Variants in ZNF385D observed in about 807,000 individuals in gnomAD.
ZNF385D encodes the protein zinc finger protein 659.
A neutral mutation model predicts 35.8 loss-of-function variants in ZNF385D; 15 were observed. That is an observed-to-expected ratio of 0.42 (90% CI 0.28 to 0.64). The LOEUF is 0.64. Among genes scored for constraint, ZNF385D ranks in the 30% least tolerant of loss-of-function variants. The pLI, the probability that ZNF385D is intolerant of heterozygous loss-of-function variation, is 0.23. For synonymous variants in ZNF385D, 212 were observed against 186.8 expected (o/e 1.13, Z -1.10); for missense variants, 474 against 494.6 (o/e 0.96, Z 0.39).
chr3:21,923,509 A>G (rs1700579493), intron 3 of ZNF385D, among the ~76,000 whole-genome samples: 1 of 152,202 alleles, frequency 6.6e-6, no homozygotes, highest in African/African-American at 2.4e-5. Context: ...ATTACTGCAT[A>G]TAGAATCAAA....
intron 3 of ZNF385D, among the ~76,000 whole-genome samples, chr3:21,990,121 A>C (rs1167952010): frequency 6.6e-6 from 1 of 152,200 alleles, no homozygotes; most frequent in Non-Finnish European, 1.5e-5. Context: ...TTTTAAAAAA[A>C]TTTTTGTGAG....
chr3:21,591,035 A>C (rs560529370), intron 2 of ZNF385D, among the ~76,000 whole-genome samples: 1 of 152,054 alleles, frequency 6.6e-6, no homozygotes, highest in African/African-American at 2.4e-5. Flanking sequence ...TCTCCCCAAA[A>C]AAAAAATTAA....
At chr3:21,650,678 C>T (rs899728905) in intron 2 of ZNF385D, among the ~76,000 whole-genome samples, 6 of 152,104 alleles carry the variant, frequency 3.9e-5, no homozygotes, top group East Asian at 1.9e-4. Flanking sequence ...GTAACGTGAG[C>T]GCTCCAATTC....
intron 2 of ZNF385D, among the ~76,000 whole-genome samples, chr3:22,250,437 A>G (rs1277522664): frequency 1.3e-5 from 2 of 152,032 alleles, no homozygotes; most frequent in African/African-American, 4.8e-5. Context: ...AAAAAATGCC[A>G]TTTATTTAGG....
chr3:21,514,957 G>T (rs532004449), intron 3 of ZNF385D, among the ~76,000 whole-genome samples: 16 of 152,156 alleles, frequency 1.1e-4, no homozygotes, highest in Non-Finnish European at 2.1e-4. Context: ...AGAGGCAAGG[G>T]CTGACATTAA....
chr3:21,686,430 A>C (rs1400859549), intron 1 of ZNF385D, among the ~76,000 whole-genome samples: 1 of 152,218 alleles, frequency 6.6e-6, no homozygotes, highest in Non-Finnish European at 1.5e-5. Flanking sequence ...CAGTGTATAG[A>C]GCAATACTGA....
At chr3:22,050,237 T>A (rs1430732022) in intron 3 of ZNF385D, among the ~76,000 whole-genome samples, 1 of 150,160 alleles carries the variant, frequency 6.7e-6, no homozygotes, top group South Asian at 2.1e-4. Flanking sequence ...TGGTACACGC[T>A]TATAGCCCCA....
intron 3 of ZNF385D, among the ~76,000 whole-genome samples, chr3:22,118,497 C>G (rs1322554289): frequency 6.6e-6 from 1 of 152,046 alleles, no homozygotes; most frequent in Admixed American, 6.6e-5. Context: ...CTGTACATCT[C>G]CAAAGGGTGT....
chr3:22,366,452 A>G (rs745357886), intron 2 of ZNF385D, among the ~76,000 whole-genome samples: 5 of 152,188 alleles, frequency 3.3e-5, no homozygotes, highest in Non-Finnish European at 5.9e-5. Context: ...GCAGAAAATA[A>G]TTGATTGCCC....
intron 3 of ZNF385D, among the ~76,000 whole-genome samples, chr3:22,045,228 C>A (rs901259769): frequency 6.6e-6 from 1 of 151,674 alleles, no homozygotes; most frequent in African/African-American, 2.4e-5. Flanking sequence ...AGATCCAGGT[C>A]TTATATTTAA....
chr3:21,803,661 A>C (rs2072509487), intron 3 of ZNF385D, among the ~76,000 whole-genome samples: 1 of 152,228 alleles, frequency 6.6e-6, no homozygotes, highest in East Asian at 1.9e-4. Flanking sequence ...AATTCAAATG[A>C]AATGTAACTT....
chr3:22,152,328 T>C (rs1559410990), intron 3 of ZNF385D, among the ~76,000 whole-genome samples: 1 of 152,172 alleles, frequency 6.6e-6, no homozygotes, highest in African/African-American at 2.4e-5. Context: ...CTTGACCTCA[T>C]ACCACTTAGG....
At chr3:22,011,229 T>C (rs540157755) in intron 3 of ZNF385D, among the ~76,000 whole-genome samples, 33 of 152,058 alleles carry the variant, frequency 2.2e-4, no homozygotes, top group Non-Finnish European at 4.0e-4. Flanking sequence ...ATGAGAGAAA[T>C]TTATGGAAAT....
At chr3:22,038,164 A>T (rs1698453725) in intron 3 of ZNF385D, among the ~76,000 whole-genome samples, 1 of 152,202 alleles carries the variant, frequency 6.6e-6, no homozygotes, top group African/African-American at 2.4e-5. Flanking sequence ...CAAATTGCTG[A>T]ACTACGAAGT....
chr3:21,587,905 CA>C (rs2063857857), intron 2 of ZNF385D, among the ~76,000 whole-genome samples: 1 of 152,078 alleles, frequency 6.6e-6, no homozygotes, highest in African/African-American at 2.4e-5. Flanking sequence ...AAGGGATTAT[CA>C]GACAGGCCAA....
intron 2 of ZNF385D, among the ~76,000 whole-genome samples, chr3:21,578,899 T>C (rs766041341): frequency 8.5e-5 from 13 of 152,206 alleles, no homozygotes; most frequent in Non-Finnish European, 1.8e-4. Flanking sequence ...AGGATTGCAT[T>C]TTTTTAGAAA....
intron 2 of ZNF385D, among the ~76,000 whole-genome samples, chr3:21,595,299 A>G (rs1038995247): frequency 6.6e-6 from 1 of 152,054 alleles, no homozygotes; most frequent in African/African-American, 2.4e-5. Context: ...CTATTCACAT[A>G]TAGGTCTTCA....
chr3:22,169,864 G>T (rs939445727), intron 2 of ZNF385D, among the ~76,000 whole-genome samples: 1 of 152,118 alleles, frequency 6.6e-6, no homozygotes, highest in East Asian at 1.9e-4. Flanking sequence ...GCATGATCTT[G>T]GCTCAGCACA....
intron 3 of ZNF385D, among the ~76,000 whole-genome samples, chr3:22,065,166 G>T (rs1247813569): frequency 1.3e-5 from 2 of 152,146 alleles, no homozygotes; most frequent in African/African-American, 4.8e-5. Context: ...TGTGGAGTTA[G>T]TAAGTCTTAG....
Sources: allele counts gnomAD v4.1 joint callset (sites outside exome capture counted in the v4.1 genomes callset), GRCh38; gene constraint gnomAD v4.1.1; transcripts MANE v1.5; gene names NCBI Gene and HGNC (gene_info 2026-07-23, HGNC 2026-07-21).